Variants in SCN9A observed in about 807,000 individuals in gnomAD.
The protein encoded by SCN9A is sodium channel protein type 9 subunit alpha.
A neutral mutation model predicts 187.0 loss-of-function variants in SCN9A; 131 were observed. That is an observed-to-expected ratio of 0.70 (90% CI 0.61 to 0.81). The LOEUF (loss-of-function observed/expected upper bound fraction) is 0.81, where lower values mean the gene tolerates loss of function less well. Among genes scored for constraint, SCN9A ranks in the 30% least tolerant of loss-of-function variants. The probability of loss-of-function intolerance (pLI) is 0.00; values close to 1 mark genes in which losing one functional copy is unlikely to be tolerated. For missense variants in SCN9A, 2,252 were observed against 2,396.6 expected (o/e 0.94, Z 1.26); for synonymous variants, 809 against 808.6 (o/e 1.00, Z -0.01).
chr2:166,306,511 C>G lies in SCN9A; in HGVS notation c.466G>C (p.Glu156Gln). 1 of 1,518,370 alleles carries G rather than the reference C, an allele frequency of 6.6e-7. No individual in the cohort carries two copies. The highest frequency in any genetic ancestry group is 9.0e-7 in the Non-Finnish European group (1 of 1,108,870). 94.1% of individuals were successfully genotyped at this position (1,518,370 alleles called of 1,614,324 possible). Residue 156 changes from glutamate to glutamine, a missense_variant and splice_region_variant, in exon 4 of 27, where the codon GAG (glutamate) becomes CAG (glutamine). Around this residue, in one of 7 missense-constraint regions of SCN9A, gnomAD observed 1,013 missense variants for 997.4 expected, o/e 1.02. Transcript: ENST00000642356. ...TAAAATGTACTTATACCCACTTACT[C>G]GACATTTTTGGTCCAGTCCGGTGGG... ...NNPPDWTKNV[E>Q]YTFTGIYTFE...
intron 24 of SCN9A, among the ~76,000 whole-genome samples, chr2:166,209,707 T>C (rs1227354272): frequency 1.3e-5 from 2 of 151,750 alleles, no homozygotes; most frequent in Non-Finnish European, 2.9e-5. Flanking sequence ...CATGAAAAAA[T>C]GCTCATCATC....
At chr2:166,370,619 C>T (rs1030219841) in intron 1 of SCN9A, among the ~76,000 whole-genome samples, 3 of 151,170 alleles carry the variant, frequency 2.0e-5, no homozygotes, top group African/African-American at 4.9e-5. Context: ...GCATATAGCA[C>T]ATAAAATTTT....
chr2:166,233,526 A>C (rs1237085142), intron 20 of SCN9A, 64 bp from the exon 21 acceptor site: 1 of 1,379,210 alleles, frequency 7.3e-7, no homozygotes, highest in Non-Finnish European at 9.7e-7. Context: ...GGAAAAAGTC[A>C]ATTCTGAAAC....
chr2:166,277,419 G>T lies in SCN9A; in HGVS notation c.2518-80C>A, dbSNP rs71428907. On this transcript the variant is annotated intron_variant, in intron 15 of 26. Coordinates refer to ENST00000642356, the MANE Select transcript of SCN9A (RefSeq NM_001365536.1). ...TCCAATCTTGATTTTTGTTCAAAGG[G>T]TAAAGCAGACTTTAAGTCCTATAAT... 90,061 of 904,912 alleles carry T rather than the reference G, an allele frequency of 0.1. 6,263 individuals are homozygous for T. The highest frequency in any genetic ancestry group is 0.28 in the African/African-American group (16,891 of 59,502). 56.1% of individuals were successfully genotyped at this position (904,912 alleles called of 1,614,324 possible).
At chr2:166,363,194 C>A (rs558044120) in intron 1 of SCN9A, among the ~76,000 whole-genome samples, 1 of 152,124 alleles carries the variant, frequency 6.6e-6, no homozygotes, top group East Asian at 1.9e-4. Flanking sequence ...GATTTTTGAA[C>A]TTGCTTTATT....
At chr2:166,305,431 T>A (rs1031970081) in intron 5 of SCN9A, among the ~76,000 whole-genome samples, 26 of 152,200 alleles carry the variant, frequency 1.7e-4, no homozygotes, top group African/African-American at 5.3e-4. Context: ...TAAAGAGCAC[T>A]GTACTTGTAT....
intron 1 of SCN9A, among the ~76,000 whole-genome samples, chr2:166,366,394 A>C (rs1445766058): frequency 6.6e-6 from 1 of 152,150 alleles, no homozygotes; most frequent in Non-Finnish European, 1.5e-5. Flanking sequence ...TTTTATATAC[A>C]GACCACATTT....
At chr2:166,313,250 TC>T (rs1209944516) in intron 1 of SCN9A, among the ~76,000 whole-genome samples, 3 of 152,100 alleles carry the variant, frequency 2.0e-5, no homozygotes, top group Non-Finnish European at 4.4e-5. Context: ...AGCTGCATTA[TC>T]CCCTAACAAG....
chr2:166,278,270 A>G lies in SCN9A; in HGVS notation c.2387T>C (p.Ile796Thr), dbSNP rs2106471480. 11 of 1,611,594 alleles carry G rather than the reference A, an allele frequency of 6.8e-6. No individual in the cohort carries two copies. Among genetic ancestry groups the G allele is most frequent in the Admixed American group, 3.4e-5 (2 of 59,644 alleles). Residue 796 changes from isoleucine (I) to threonine (T), a missense_variant, in exon 15 of 27, where the codon ATT (isoleucine) becomes ACT (threonine). Transcript: ENST00000642356. ...IFAAEMVLKLIAMDPYEYFQV... is the reference protein window; with the variant it reads ...IFAAEMVLKLTAMDPYEYFQV... ...GAAATACTCATATGGATCCATGGCA[A>G]TCAGTTTTAATACCATTTCAGCTGC...
At chr2:166,291,762 A>G (rs1044669530) in intron 9 of SCN9A, among the ~76,000 whole-genome samples, 2 of 152,180 alleles carry the variant, frequency 1.3e-5, no homozygotes, top group African/African-American at 4.8e-5. Context: ...CTCAGAAATA[A>G]CACCACACTT....
At chr2:166,235,267 T>A (rs1695264055) in intron 20 of SCN9A, among the ~76,000 whole-genome samples, 1 of 151,738 alleles carries the variant, frequency 6.6e-6, no homozygotes, top group African/African-American at 2.4e-5. Flanking sequence ...ACGGAATATA[T>A]GCATATTATT....
At chr2:166,338,849 T>A (rs149301325) in intron 1 of SCN9A, among the ~76,000 whole-genome samples, 34 of 152,226 alleles carry the variant, frequency 2.2e-4, no homozygotes, top group Non-Finnish European at 3.5e-4. Context: ...TAAAGCGTTA[T>A]CTATGGAATT....
rs973173274 is a variant in SCN9A at position 166,204,525 on chromosome 2, A to G, written c.4399-61T>C. 2.3e-5 allele frequency: 24 copies of G among 1,041,816 alleles called. 1 individual carries two copies. Among genetic ancestry groups the G allele is most frequent in the Non-Finnish European group, 3.2e-5 (23 of 708,514 alleles). The allele number at this position is 1,041,816 out of a possible 1,614,324, so 64.5% of individuals were successfully genotyped here. A position where few individuals can be genotyped will look rare whatever the true frequency, so the allele number is the denominator to read the frequency against. On this transcript the variant is annotated intron_variant, in intron 24 of 26. Transcript: ENST00000642356. ...CCAGAATCATTGTCTACATCTTTCT[A>G]TAGATTACTAAAATAGGTTAAAATG...
intron 17 of SCN9A, among the ~76,000 whole-genome samples, chr2:166,259,865 T>A (rs1696433431): frequency 6.6e-6 from 1 of 151,724 alleles, no homozygotes; most frequent in Admixed American, 6.6e-5. Context: ...ATGGAAAGAT[T>A]TTTCAAATTC....
intron 20 of SCN9A, among the ~76,000 whole-genome samples, chr2:166,235,545 C>T (rs1238892157): frequency 6.6e-6 from 1 of 152,094 alleles, no homozygotes; most frequent in African/African-American, 2.4e-5. Flanking sequence ...CCCAGAGTTT[C>T]TGATTCAGTA....
intron 24 of SCN9A, among the ~76,000 whole-genome samples, chr2:166,209,692 A>G (rs1370658168): frequency 6.6e-6 from 1 of 152,174 alleles, no homozygotes; most frequent in Non-Finnish European, 1.5e-5. Flanking sequence ...TGCAGCCAAA[A>G]AACACATGAA....
intron 16 of SCN9A, among the ~76,000 whole-genome samples, chr2:166,276,237 T>C (rs1697230206): frequency 2.0e-5 from 3 of 152,162 alleles, no homozygotes; most frequent in Admixed American, 2.0e-4. Flanking sequence ...CGCGATGCTA[T>C]AGGCCAGTGG....
At chr2:166,270,955 A>G (rs1696955365) in intron 17 of SCN9A, among the ~76,000 whole-genome samples, 1 of 152,096 alleles carries the variant, frequency 6.6e-6, no homozygotes, top group Non-Finnish European at 1.5e-5. Context: ...TTAAGACTTG[A>G]AAGCAATCTC....
chr2:166,353,175 T>A (rs1480748002), intron 1 of SCN9A, among the ~76,000 whole-genome samples: 17 of 148,888 alleles, frequency 1.1e-4, no homozygotes, highest in Admixed American at 1.0e-3. Flanking sequence ...ACCAACATGA[T>A]GAAACCCCTT....
Sources: gnomAD v4.1 joint callset for allele counts (sites outside exome capture counted in the v4.1 genomes callset) on GRCh38, gnomAD v4.1.1 for gene constraint, gnomAD v4.1.1 regional missense constraint, MANE v1.5 for transcripts, NCBI Gene and HGNC (gene_info 2026-07-23, HGNC 2026-07-21) for gene names.